The following PPP2R3A variants were observed in gnomAD, a reference collection of about 807,000 sequenced individuals.
PPP2R3A encodes serine/threonine-protein phosphatase 2A regulatory subunit B'' subunit alpha.
In PPP2R3A, 80 loss-of-function variants were observed where a neutral mutation model predicts 106.9. The ratio of observed to expected loss-of-function variants is 0.75; its 90% CI spans 0.62 to 0.90. The LOEUF is 0.90. PPP2R3A is among the 40% of genes least tolerant of loss of function. PPP2R3A has a pLI of 0.00. For synonymous variants in PPP2R3A, 483 were observed against 468.3 expected (o/e 1.03, Z -0.41); for missense variants, 1,386 against 1,350.4 (o/e 1.03, Z -0.41).
At chr3:136,100,449 C>A (rs900775160) in intron 10 of PPP2R3A, among the ~76,000 whole-genome samples, 1 of 151,198 alleles carries the variant, frequency 6.6e-6, no homozygotes, top group African/African-American at 2.4e-5. Context: ...CCTAGGCGGG[C>A]AGATCACCTG....
At position 136,025,007 on chromosome 3, in the gene PPP2R3A, G is replaced by T. The variant is rs1934598667; in HGVS notation, c.1996-1825G>T. 2.0e-5 allele frequency among the ~76,000 whole-genome samples: 3 copies of T among 152,104 alleles called. No homozygotes were observed. In the South Asian group the frequency reaches 6.2e-4, roughly 32 times the overall value. On this transcript the variant is annotated intron_variant, in intron 2 of 13. Transcript: ENST00000264977. ...AAAAGTGGTTTGTAAACTTCAAATT[G>T]CTTTACATATGCAAATGATTATTTT...
intron 3 of PPP2R3A, among the ~76,000 whole-genome samples, chr3:136,029,060 T>C (rs1934767967): frequency 6.6e-6 from 1 of 151,918 alleles, no homozygotes; most frequent in Non-Finnish European, 1.5e-5. Context: ...TCCATGTTGG[T>C]CAGGCTGGTC....
At chr3:136,055,455 A>C in intron 5 of PPP2R3A, 2 of 1,117,676 alleles carry the variant, frequency 1.8e-6, no homozygotes, top group Non-Finnish European at 2.7e-6. Flanking sequence ...CAAAGTGTAA[A>C]TGTGAAGACA....
chr3:136,003,812 G>A (rs1933746459), intron 2 of PPP2R3A, among the ~76,000 whole-genome samples: 1 of 152,104 alleles, frequency 6.6e-6, no homozygotes, highest in Non-Finnish European at 1.5e-5. Context: ...GAAATAATAA[G>A]GATCAAAATA....
chr3:136,071,319 A>T (rs1266420912), intron 6 of PPP2R3A, among the ~76,000 whole-genome samples: 2 of 152,248 alleles, frequency 1.3e-5, no homozygotes, highest in Non-Finnish European at 2.9e-5. Flanking sequence ...AAGATATGTT[A>T]GGTCCTGCCG....
intron 13 of PPP2R3A, among the ~76,000 whole-genome samples, chr3:136,144,221 G>A (rs927445396): frequency 1.3e-5 from 2 of 152,176 alleles, no homozygotes; most frequent in Admixed American, 6.5e-5. Flanking sequence ...GAGTATCCAG[G>A]TCCAGGTATG....
intron 13 of PPP2R3A, among the ~76,000 whole-genome samples, 192 bp from the exon 14 acceptor site, chr3:136,144,850 AG>A (rs1238651223): frequency 6.6e-6 from 1 of 152,216 alleles, no homozygotes; most frequent in African/African-American, 2.4e-5. Flanking sequence ...TTAAGCTTTA[AG>A]GAACAGGGAG....
At chr3:136,072,999 A>G (rs1236932473) in intron 6 of PPP2R3A, among the ~76,000 whole-genome samples, 1 of 151,580 alleles carries the variant, frequency 6.6e-6, no homozygotes, top group Non-Finnish European at 1.5e-5. Context: ...ACGGAGTCTC[A>G]CTCTGTCACT....
At position 136,101,885 on chromosome 3, in the gene PPP2R3A, A is replaced by C. The variant is rs1408733033; in HGVS notation, c.2928-122A>C. The stretch of plus-strand genomic sequence containing the variant: ...GCCATTTTCTCTAACAAACTTTGTA[A>C]AACTATATCTAAGCCTGAAGTGTAT... On this transcript the variant is annotated intron_variant, in intron 10 of 13. Coordinates refer to ENST00000264977, the MANE Select transcript of PPP2R3A (RefSeq NM_002718.5). 6.5e-6 allele frequency: 7 copies of C among 1,083,696 alleles called. No individual in the cohort carries two copies. The African/African-American group carries it at 1.1e-4, about 17-fold the overall frequency. 67.1% of individuals were successfully genotyped at this position (1,083,696 alleles called of 1,614,324 possible).
chr3:136,088,145 C>A (rs951447679), intron 9 of PPP2R3A, among the ~76,000 whole-genome samples: 1 of 152,144 alleles, frequency 6.6e-6, no homozygotes, highest in African/African-American at 2.4e-5. Flanking sequence ...AGGTCTGTCA[C>A]ATGGGAACAC....
At chr3:136,061,435 C>T (rs1365851896) in intron 5 of PPP2R3A, among the ~76,000 whole-genome samples, 1 of 152,022 alleles carries the variant, frequency 6.6e-6, no homozygotes, top group Non-Finnish European at 1.5e-5. Context: ...TGAGACCAGC[C>T]TGGCCAACAT....
At position 136,147,278 on chromosome 3, in the gene PPP2R3A, C is replaced by T. The variant is rs898150449; in HGVS notation, c.*2112C>T. ...ACTTGGGAGGCTGAGGCAGGAGAAT[C>T]GCTTGAGCCCCAGGCTTCGAGGCTG... On this transcript the variant is annotated 3_prime_UTR_variant, in exon 14 of 14. Coordinates refer to ENST00000264977, the MANE Select transcript of PPP2R3A (RefSeq NM_002718.5). The T allele has an allele frequency of 1.3e-5, 2 of 152,528 alleles. No homozygotes were observed. Among genetic ancestry groups the T allele is most frequent in the Non-Finnish European group, 2.9e-5 (2 of 68,102 alleles). 9.4% of individuals were successfully genotyped at this position (152,528 alleles called of 1,614,324 possible). A position where few individuals can be genotyped will look rare whatever the true frequency, so the allele number is the denominator to read the frequency against.
intron 13 of PPP2R3A, among the ~76,000 whole-genome samples, chr3:136,133,157 C>T (rs1296775902): frequency 1.3e-5 from 2 of 152,084 alleles, no homozygotes; most frequent in African/African-American, 4.8e-5. Context: ...AAAATTGATA[C>T]ATTGGACTTC....
At chr3:136,042,164 G>A (rs1428329446) in intron 4 of PPP2R3A, among the ~76,000 whole-genome samples, 1 of 152,178 alleles carries the variant, frequency 6.6e-6, no homozygotes, top group Non-Finnish European at 1.5e-5. Context: ...TATAGTAGGT[G>A]ATTAATAAAT....
chr3:136,051,847 G>A (rs1935698178), intron 5 of PPP2R3A, among the ~76,000 whole-genome samples: 1 of 152,150 alleles, frequency 6.6e-6, no homozygotes, highest in Non-Finnish European at 1.5e-5. Context: ...TAACACCATA[G>A]TACATAGACT....
chr3:136,011,348 C>G (rs560373356), intron 2 of PPP2R3A, among the ~76,000 whole-genome samples: 25 of 152,262 alleles, frequency 1.6e-4, no homozygotes, highest in Non-Finnish European at 3.4e-4. Flanking sequence ...GTTACATTCA[C>G]TGCTATATCC....
At chr3:135,995,884 A>G (rs1933376036) in intron 1 of PPP2R3A, among the ~76,000 whole-genome samples, 1 of 152,196 alleles carries the variant, frequency 6.6e-6, no homozygotes, top group African/African-American at 2.4e-5. Flanking sequence ...CAGACTCTTT[A>G]AAATCACTTT....
intron 4 of PPP2R3A, among the ~76,000 whole-genome samples, chr3:136,041,860 C>CT (rs758374936): frequency 3.3e-5 from 5 of 152,100 alleles, no homozygotes; most frequent in Non-Finnish European, 5.9e-5. Flanking sequence ...TTCTTTATCT[C>CT]TTTTTTCTCC....
chr3:136,126,633 C>A (rs924216001), intron 13 of PPP2R3A, among the ~76,000 whole-genome samples: 3 of 152,204 alleles, frequency 2.0e-5, no homozygotes, highest in African/African-American at 4.8e-5. Flanking sequence ...CTGAAGAGAG[C>A]AGTAGTTCTC....
Sources: allele counts gnomAD v4.1 joint callset (sites outside exome capture counted in the v4.1 genomes callset), GRCh38; gene constraint gnomAD v4.1.1; transcripts MANE v1.5; gene names NCBI Gene and HGNC (gene_info 2026-07-23, HGNC 2026-07-21).